ABCA3: variants seen among roughly 807,000 people sequenced by gnomAD.
The protein encoded by ABCA3 is phospholipid-transporting ATPase ABCA3.
ABCA3 carries 88 observed loss-of-function variants against 172.8 expected under a neutral mutation model. The observed-to-expected ratio is 0.51, with a 90% CI of 0.43 to 0.61. The LOEUF (loss-of-function observed/expected upper bound fraction) is 0.61, where lower values mean the gene tolerates loss of function less well. Ranked by LOEUF, ABCA3 falls within the 20% of genes least tolerant of loss-of-function variation. ABCA3 has a pLI of 0.00. For missense variants in ABCA3, 2,164 were observed against 2,301.0 expected (o/e 0.94, Z 1.22); for synonymous variants, 1,066 against 983.8 (o/e 1.08, Z -1.56).
chr16:2,298,620 CTCT>C (rs2093683971), intron 14 of ABCA3, 80 bp from the exon 15 acceptor site: 1 of 1,527,300 alleles, frequency 6.5e-7, no homozygotes, highest in African/African-American at 1.9e-5. Flanking sequence ...CCCACCCCCT[CTCT>C]GTCTCCCCTA....
chr16:2,323,812 G>A (rs926779654), intron 6 of ABCA3, 124 bp from the exon 7 acceptor site: 2 of 1,113,954 alleles, frequency 1.8e-6, no homozygotes, highest in African/African-American at 1.5e-5. Context: ...CCCCGCCTCT[G>A]AGTATCTCCA....
Position 2,319,463 on chromosome 16 carries a change from C to T in ABCA3, c.873+118G>A, listed in dbSNP as rs141978518. Reference sequence around the variant, plus strand: ...TCGCACCACTGCACTCCAGCCTGGGCGACAGAGCGAGACTCCAACTCAAAA... The same window carrying T: ...TCGCACCACTGCACTCCAGCCTGGGTGACAGAGCGAGACTCCAACTCAAAA... On this transcript the variant is annotated intron_variant, in intron 8 of 32. Coordinates refer to ENST00000301732, the MANE Select transcript of ABCA3 (RefSeq NM_001089.3). The T allele has an allele frequency of 8.8e-3, 12,128 of 1,371,458 alleles. 77 individuals are homozygous for T. Among genetic ancestry groups the T allele is most frequent in the South Asian group, 0.01 (710 of 67,910 alleles). 85.0% of individuals were successfully genotyped at this position (1,371,458 alleles called of 1,614,324 possible). A position where few individuals can be genotyped will look rare whatever the true frequency, so the allele number is the denominator to read the frequency against.
In ABCA3 at chr16:2,281,946, C is replaced by T. The variant is rs766738226; in HGVS notation, c.4036-437G>A. 3.9e-5 allele frequency among the ~76,000 whole-genome samples: 6 copies of T among 152,022 alleles called. No individual in the cohort carries two copies. The highest frequency in any genetic ancestry group is 5.9e-5 in the Non-Finnish European group (4 of 68,008). The stretch of plus-strand genomic sequence containing the variant: ...CAGCCTCCCGAGTAGCGCGCCACCA[C>T]GCCCAGCTAATTTTTGTATTTTTAG... On this transcript the variant is annotated intron_variant, in intron 26 of 32. Coordinates refer to ENST00000301732, the MANE Select transcript of ABCA3 (RefSeq NM_001089.3). This position sits in a 1 kb window ranked among gnomAD's most constrained non-coding sequence, Gnocchi z 4.7.
intron 3 of ABCA3, 25 bp from the exon 4 acceptor site, chr16:2,326,517 G>A (rs748521643): frequency 6.3e-7 from 1 of 1,580,188 alleles, no homozygotes; most frequent in Non-Finnish European, 8.6e-7. Flanking sequence ...AAGACAGAGA[G>A]TGTGGGTGCG....
chr16:2,289,244 G>A (rs1163490024), intron 20 of ABCA3, 190 bp downstream of exon 20: 3 of 662,968 alleles, frequency 4.5e-6, no homozygotes, highest in East Asian at 2.8e-5. Flanking sequence ...AGAAATTCCA[G>A]TTGCTCCATT....
chr16:2,307,103 G>A lies in ABCA3; in HGVS notation c.1285+1347C>T, dbSNP rs186901970. 1.1e-4 allele frequency among the ~76,000 whole-genome samples: 16 copies of A among 151,448 alleles called. 1 individual carries two copies. The highest frequency in any genetic ancestry group is 6.8e-3 in the Middle Eastern group (2 of 292). On this transcript the variant is annotated intron_variant, in intron 11 of 32. Coordinates refer to ENST00000301732, the MANE Select transcript of ABCA3 (RefSeq NM_001089.3). ...TGCACTCCAGGCTGGGTGACACAGCGAGACCCTGTCTCAAAAAACAAAAAA... is the reference window on the plus strand; with the variant it reads ...TGCACTCCAGGCTGGGTGACACAGCAAGACCCTGTCTCAAAAAACAAAAAA...
In ABCA3 at chr16:2,286,765, G is replaced by A. The variant is rs151260964; in HGVS notation, c.3207C>T (p.His1069=). 258 of 1,614,018 alleles carry A rather than the reference G, an allele frequency of 1.6e-4. No individual in the cohort carries two copies. Among genetic ancestry groups the A allele is most frequent in the South Asian group, 6.7e-4 (61 of 91,090 alleles). ...GGAAGTTGGAGACCACAATGGAGGC[G>A]TGAGGCCCGCACAGCAGCTTGAACA... is the stretch of plus-strand genomic sequence containing the variant. ...NLLFKLLCGP[H]ASIVVSNFPQ... is the part of the protein sequence containing the mutation. The change falls in exon 22 of 33, where the codon CAC becomes CAT. Residue 1069 remains histidine (H), a synonymous_variant. Coordinates refer to ENST00000301732, the MANE Select transcript of ABCA3 (RefSeq NM_001089.3). The surrounding 1 kb of genome is among the most constrained non-coding windows in gnomAD (Gnocchi z 5.2).
chr16:2,333,336 T>C (rs2093746387), intron 1 of ABCA3, among the ~76,000 whole-genome samples: 2 of 152,182 alleles, frequency 1.3e-5, no homozygotes, highest in South Asian at 4.1e-4. Flanking sequence ...GAAGGGGGCC[T>C]TGATAAAGCC....
intron 14 of ABCA3, among the ~76,000 whole-genome samples, chr16:2,298,765 G>A (rs1386978087): frequency 1.3e-5 from 2 of 152,146 alleles, no homozygotes; most frequent in South Asian, 4.1e-4. Flanking sequence ...GCTGGTCAGG[G>A]AGGAGAAACC....
At position 2,279,192 on chromosome 16, in the gene ABCA3, G is replaced by A. The variant is rs2093651414; in HGVS notation, c.4360-62C>T. On this transcript the variant is annotated intron_variant, in intron 28 of 32. Transcript: ENST00000301732. This position sits in a 1 kb window ranked among gnomAD's most constrained non-coding sequence, Gnocchi z 4.4. ...GGAGGGAAGCCTCCTTCCTCCAGAG[G>A]ACCACGGGGACTACCCTTGAGGTGC... 2 of 1,577,474 alleles carry A rather than the reference G, an allele frequency of 1.3e-6. No homozygotes were observed. Among genetic ancestry groups the A allele is most frequent in the Non-Finnish European group, 1.7e-6 (2 of 1,162,570 alleles).
At chr16:2,304,673 A>T (rs1162437341) in intron 11 of ABCA3, among the ~76,000 whole-genome samples, 2 of 137,962 alleles carry the variant, frequency 1.4e-5, no homozygotes, top group African/African-American at 5.5e-5. Context: ...TGCCTGGGCT[A>T]AATTTTTTTT....
At chr16:2,310,047 T>C (rs1222326444) in intron 10 of ABCA3, among the ~76,000 whole-genome samples, 2 of 152,134 alleles carry the variant, frequency 1.3e-5, no homozygotes, top group East Asian at 1.9e-4. Flanking sequence ...ACTAAGAACA[T>C]TTAAAAATTC....
chr16:2,295,643 C>T lies in ABCA3; in HGVS notation c.2361G>A (p.Glu787=). The T allele has an allele frequency of 1.2e-6, 2 of 1,614,054 alleles. No homozygotes were observed. The highest frequency in any genetic ancestry group is 1.7e-6 in the Non-Finnish European group (2 of 1,180,052). The change falls in exon 18 of 33, where the codon GAG becomes GAA. Residue 787 remains glutamate (E), a synonymous_variant. Coordinates refer to ENST00000301732, the MANE Select transcript of ABCA3 (RefSeq NM_001089.3). ...VHHHVPNATL[E]SSAGAELSFI... is the part of the protein sequence containing the mutation. The stretch of plus-strand genomic sequence containing the variant: ...AAGACAGCTCGGCCCCAGCGCTGCT[C>T]TCCAGCGTGGCGTTGGGCACGTGGT...
Position 2,281,444 on chromosome 16 carries a change from G to T in ABCA3, c.4101C>A (p.Arg1367=), listed in dbSNP as rs1029733061. 6.2e-6 allele frequency: 10 copies of T among 1,613,582 alleles called. No homozygotes were observed. The African/African-American group carries it at 1.2e-4, about 19-fold the overall frequency. ...EDQDVADERT[R]ILAPSPDSLL... is the part of the protein sequence containing the mutation. Reference sequence around the variant, plus strand: ...GGGAGTCCGGACTGGGGGCCAGGATGCGGGTCCTCTCGTCCGCTACATCTT... The same window carrying T: ...GGGAGTCCGGACTGGGGGCCAGGATTCGGGTCCTCTCGTCCGCTACATCTT... The change falls in exon 27 of 33, where the codon CGC becomes CGA. Residue 1367 remains arginine (R), a synonymous_variant. Transcript: ENST00000301732. This position sits in a 1 kb window ranked among gnomAD's most constrained non-coding sequence, Gnocchi z 4.7.
intron 3 of ABCA3, among the ~76,000 whole-genome samples, chr16:2,328,000 C>A (rs371186835): frequency 6.6e-6 from 1 of 152,168 alleles, no homozygotes; most frequent in East Asian, 1.9e-4. Flanking sequence ...GGATTATAGG[C>A]GTGAGCCACT....
intron 1 of ABCA3, chr16:2,332,866 G>A: frequency 1.8e-6 from 1 of 549,602 alleles, no homozygotes; most frequent in Non-Finnish European, 3.2e-6. Flanking sequence ...GAGTGCCGTT[G>A]CGTGAGCAGG....
rs1022219674 is a variant in ABCA3 at position 2,278,383 on chromosome 16, C to T, written c.4623G>A (p.Pro1541=). 15 of 1,612,406 alleles carry T rather than the reference C, an allele frequency of 9.3e-6. No homozygotes were observed. Among genetic ancestry groups the T allele is most frequent in the East Asian group, 6.7e-5 (3 of 44,878 alleles). The part of the protein sequence containing the change: ...GEPAVIFLDE[P]STGMDPVARR... ...GGGCCACGGGGTCCATGCCAGTGGA[C>T]GGCTCGTCCAGGAAGATGACAGCAG... Residue 1541 remains proline (P), a synonymous_variant, in exon 30 of 33, where the codon CCG becomes CCA. Transcript: ENST00000301732. The surrounding 1 kb of genome is among the most constrained non-coding windows in gnomAD (Gnocchi z 4.4).
At chr16:2,332,075 T>TCAGAACTCTCTTGATGGCA (rs2093744161) in intron 1 of ABCA3, among the ~76,000 whole-genome samples, 1 of 152,224 alleles carries the variant, frequency 6.6e-6, no homozygotes, top group African/African-American at 2.4e-5. Flanking sequence ...TGCTCATTTC[T>TCAGAACTCTCTTGATGGCA]CAGAACTCTC....
In ABCA3 at chr16:2,305,059, C is replaced by T. The variant is rs184778733; in HGVS notation, c.1286-909G>A. Among the ~76,000 whole-genome samples the T allele has an allele frequency of 1.5e-4, 23 of 152,142 alleles. No homozygotes were observed. The East Asian group carries it at 2.3e-3, about 15-fold the overall frequency. On this transcript the variant is annotated intron_variant, in intron 11 of 32. Coordinates refer to ENST00000301732, the MANE Select transcript of ABCA3 (RefSeq NM_001089.3). ...AACTCCTGAGCTCGGGCAACCTACCCGCCTTGGCCTCCCAAAGTGCTAGGA... is the reference window on the plus strand; with the variant it reads ...AACTCCTGAGCTCGGGCAACCTACCTGCCTTGGCCTCCCAAAGTGCTAGGA...
Sources: gnomAD v4.1 joint callset for allele counts (sites outside exome capture counted in the v4.1 genomes callset) on GRCh38, gnomAD v4.1.1 for gene constraint, Gnocchi (gnomAD v3.1) non-coding constraint, MANE v1.5 for transcripts, NCBI Gene and HGNC (gene_info 2026-07-23, HGNC 2026-07-21) for gene names.